Variants in TASP1 observed in about 807,000 individuals in gnomAD.
TASP1 encodes threonine aspartase 1.
TASP1 carries 16 observed loss-of-function variants against 56.6 expected under a neutral mutation model. The ratio of observed to expected loss-of-function variants is 0.28; its 90% CI spans 0.19 to 0.43. The LOEUF (loss-of-function observed/expected upper bound fraction) is 0.43, where lower values mean the gene tolerates loss of function less well. Ranked by LOEUF, TASP1 falls within the 20% of genes least tolerant of loss-of-function variation. The pLI, the probability that TASP1 is intolerant of heterozygous loss-of-function variation, is 1.00. For missense variants in TASP1, 393 were observed against 511.6 expected (o/e 0.77, Z 2.24); for synonymous variants, 179 against 184.2 (o/e 0.97, Z 0.23).
At chr20:13,341,099 C>T in the TASP1 span, among the ~76,000 whole-genome samples, 1 of 152,182 alleles carries the variant, frequency 6.6e-6, no homozygotes, top group Non-Finnish European at 1.5e-5. Context: ...GTCAGCCTAG[C>T]TATCAACCAC....
At chr20:13,561,727 G>C (rs932641094) in intron 7 of TASP1, among the ~76,000 whole-genome samples, 3 of 152,182 alleles carry the variant, frequency 2.0e-5, no homozygotes, top group African/African-American at 4.8e-5. Context: ...TTTTGAGACA[G>C]ACAATGGGAA....
chr20:13,175,635 G>C, the TASP1 span, among the ~76,000 whole-genome samples: 2 of 152,172 alleles, frequency 1.3e-5, no homozygotes, highest in Admixed American at 6.5e-5. Context: ...CCACAGGCCT[G>C]ACCTCACGAG....
chr20:13,622,794 C>T (rs1215325923), intron 4 of TASP1, among the ~76,000 whole-genome samples: 4 of 152,304 alleles, frequency 2.6e-5, no homozygotes, highest in Middle Eastern at 3.4e-3. Context: ...CTGATTGACA[C>T]AAATCTATCT....
At chr20:13,466,139 C>A (rs1276530692) in intron 11 of TASP1, among the ~76,000 whole-genome samples, 1 of 151,910 alleles carries the variant, frequency 6.6e-6, no homozygotes, top group Non-Finnish European at 1.5e-5. Context: ...TAGATTTCTC[C>A]ATATTATTTC....
At chr20:13,255,713 C>T in the TASP1 span, among the ~76,000 whole-genome samples, 1 of 152,126 alleles carries the variant, frequency 6.6e-6, no homozygotes, top group Admixed American at 6.5e-5. Context: ...AATATCACTT[C>T]CTTCATTCTC....
chr20:13,618,176 G>A (rs1186690191), intron 4 of TASP1, among the ~76,000 whole-genome samples: 2 of 152,072 alleles, frequency 1.3e-5, no homozygotes, highest in Non-Finnish European at 2.9e-5. Flanking sequence ...TTGGGAGGCC[G>A]AGGCGGGTGG....
intron 10 of TASP1, among the ~76,000 whole-genome samples, chr20:13,500,801 G>A (rs1199265579): frequency 6.6e-6 from 1 of 151,960 alleles, no homozygotes; most frequent in Non-Finnish European, 1.5e-5. Context: ...TATAACCGCA[G>A]CCCTAGAAGT....
the TASP1 span, among the ~76,000 whole-genome samples, chr20:13,218,762 G>A: frequency 1.1e-3 from 161 of 152,240 alleles, no homozygotes; most frequent in African/African-American, 3.6e-3. Context: ...AGCCTGGTTC[G>A]GCAACTGGAA....
chr20:13,350,298 T>G, the TASP1 span, among the ~76,000 whole-genome samples: 1 of 152,180 alleles, frequency 6.6e-6, no homozygotes, highest in Admixed American at 6.5e-5. Flanking sequence ...AATATTAAGG[T>G]GTTAATTTTC....
chr20:13,263,249 T>C, the TASP1 span, among the ~76,000 whole-genome samples: 4 of 152,156 alleles, frequency 2.6e-5, no homozygotes, highest in Admixed American at 2.0e-4. Context: ...GTCAGCCTTG[T>C]CATCTGTGTC....
the TASP1 span, among the ~76,000 whole-genome samples, chr20:13,104,974 G>A: frequency 2.0e-3 from 308 of 152,104 alleles, 1 homozygote; most frequent in Middle Eastern, 6.8e-3. Flanking sequence ...TTAACATAAT[G>A]CAAGTGTAAG....
chr20:13,581,559 A>G (rs2047127057), intron 5 of TASP1, among the ~76,000 whole-genome samples: 1 of 152,192 alleles, frequency 6.6e-6, no homozygotes, highest in Non-Finnish European at 1.5e-5. Context: ...TGTGTAAAAG[A>G]TTGTAACCTA....
intron 5 of TASP1, among the ~76,000 whole-genome samples, chr20:13,586,490 T>A (rs892216933): frequency 1.3e-5 from 2 of 152,122 alleles, no homozygotes; most frequent in African/African-American, 4.8e-5. Flanking sequence ...GCACCCAAAG[T>A]TAGCATGAGG....
At chr20:13,587,499 C>T in intron 4 of TASP1, 129 bp from the exon 5 acceptor site, 1 of 663,270 alleles carries the variant, frequency 1.5e-6, no homozygotes, top group Non-Finnish European at 2.5e-6. Flanking sequence ...GATGCCAATA[C>T]CACCCTGATG....
intron 3 of TASP1, among the ~76,000 whole-genome samples, chr20:13,624,151 A>G (rs1392223254): frequency 6.6e-6 from 1 of 152,224 alleles, no homozygotes; most frequent in African/African-American, 2.4e-5. Flanking sequence ...TGAATTATTA[A>G]CATTCCAATT....
chr20:13,595,552 C>T (rs1243441097), intron 4 of TASP1, among the ~76,000 whole-genome samples: 1 of 150,796 alleles, frequency 6.6e-6, no homozygotes, highest in Non-Finnish European at 1.5e-5. Context: ...AAATGGAAAG[C>T]AAAAAAAAGC....
At chr20:13,617,506 G>C (rs562599644) in intron 4 of TASP1, among the ~76,000 whole-genome samples, 112 of 152,242 alleles carry the variant, frequency 7.4e-4, no homozygotes, top group Non-Finnish European at 1.2e-3. Flanking sequence ...GAGCACTTAC[G>C]TAAATGTGAG....
chr20:13,238,322 G>A, the TASP1 span, among the ~76,000 whole-genome samples: 5 of 152,116 alleles, frequency 3.3e-5, no homozygotes, highest in Non-Finnish European at 7.4e-5. Context: ...TCTTGAGAAG[G>A]TCATTAATGA....
At chr20:13,158,596 C>T in the TASP1 span, among the ~76,000 whole-genome samples, 434 of 152,290 alleles carry the variant, frequency 2.8e-3, no homozygotes, top group African/African-American at 9.7e-3. Context: ...GTTCCGTGGG[C>T]AGCCTTCCAT....
Sources: allele counts gnomAD v4.1 joint callset (sites outside exome capture counted in the v4.1 genomes callset), GRCh38; gene constraint gnomAD v4.1.1; transcripts MANE v1.5; gene names NCBI Gene and HGNC (gene_info 2026-07-23, HGNC 2026-07-21).